The following CDKN2B-AS1 variants were observed in gnomAD, a reference collection of about 807,000 sequenced individuals.
The protein encoded by CDKN2B-AS1 is CDKN2B antisense RNA 1 (non-protein coding).
At chr9:22,015,250 T>A (rs944901213) in intron 1 of CDKN2B-AS1, among the ~76,000 whole-genome samples, 1 of 152,224 alleles carries the variant, frequency 6.6e-6, no homozygotes, top group Non-Finnish European at 1.5e-5. Context: ...TTCCTATTTC[T>A]CCACATCCTC....
intron 4 of CDKN2B-AS1, among the ~76,000 whole-genome samples, chr9:22,087,978 T>C (rs578073543): frequency 1.1e-4 from 16 of 152,342 alleles, no homozygotes; most frequent in African/African-American, 3.6e-4. Flanking sequence ...GGGAGTGTTA[T>C]AGAAGTGGTA....
chr9:22,027,852 A>G (rs1186770005), intron 1 of CDKN2B-AS1, among the ~76,000 whole-genome samples: 1 of 152,204 alleles, frequency 6.6e-6, no homozygotes, highest in Non-Finnish European at 1.5e-5. Flanking sequence ...AAATGAAATA[A>G]ATTGAAAAAG....
At chr9:22,092,707 C>T (rs1015528976) in intron 4 of CDKN2B-AS1, among the ~76,000 whole-genome samples, 4 of 152,014 alleles carry the variant, frequency 2.6e-5, no homozygotes, top group Admixed American at 1.3e-4. Flanking sequence ...TTTGATTCTT[C>T]TCTCTTTTCT....
At chr9:22,096,116 G>T (rs1193638061) in intron 4 of CDKN2B-AS1, among the ~76,000 whole-genome samples, 2 of 152,098 alleles carry the variant, frequency 1.3e-5, no homozygotes, top group Admixed American at 6.6e-5. Context: ...TAATCAGAGG[G>T]AATAGCACAT....
chr9:22,066,945 C>A lies in CDKN2B-AS1; in HGVS notation n.438+10558C>A, dbSNP rs1563959498. ...ATGGATGAAGCTGGAAACCATCATT[C>A]TGAGCAAACTATCGCAAGGACAGAA... On this transcript the variant is annotated intron_variant and non_coding_transcript_variant, in intron 4 of 4. Transcript: ENST00000650946. Among the ~76,000 whole-genome samples, 2 of 152,230 alleles carry A rather than the reference C, an allele frequency of 1.3e-5. 1 individual carries two copies. The highest frequency in any genetic ancestry group is 4.2e-4 in the South Asian group (2 of 4,816).
chr9:22,127,221 G>A (rs963054954), exon 5 of CDKN2B-AS1, among the ~76,000 whole-genome samples: 2 of 152,046 alleles, frequency 1.3e-5, no homozygotes, highest in African/African-American at 2.4e-5. Context: ...AGCTGGGATT[G>A]CAGGCACCTG....
intron 4 of CDKN2B-AS1, among the ~76,000 whole-genome samples, chr9:22,115,541 TTTTC>T (rs2131371797): frequency 6.6e-6 from 1 of 152,308 alleles, no homozygotes; most frequent in African/African-American, 2.4e-5. Context: ...CACTTTAGCC[TTTTC>T]TTTCTTCTCA....
intron 4 of CDKN2B-AS1, among the ~76,000 whole-genome samples, chr9:22,087,298 A>G (rs945008617): frequency 2.0e-5 from 3 of 152,222 alleles, no homozygotes; most frequent in African/African-American, 7.2e-5. Flanking sequence ...GTGCTATGGA[A>G]GCCATCTTCA....
At chr9:22,070,837 C>A (rs966795418) in intron 4 of CDKN2B-AS1, among the ~76,000 whole-genome samples, 1 of 152,098 alleles carries the variant, frequency 6.6e-6, no homozygotes, top group Non-Finnish European at 1.5e-5. Context: ...TCAATTAATG[C>A]AAATGTAAGT....
intron 4 of CDKN2B-AS1, among the ~76,000 whole-genome samples, chr9:22,100,823 T>G (rs1276628528): frequency 6.6e-6 from 1 of 152,242 alleles, no homozygotes; most frequent in Non-Finnish European, 1.5e-5. Flanking sequence ...TTATTGCCTG[T>G]CTTTTTGGCA....
chr9:22,067,726 G>T (rs1587485478), intron 4 of CDKN2B-AS1, among the ~76,000 whole-genome samples: 1 of 151,912 alleles, frequency 6.6e-6, no homozygotes, highest in East Asian at 1.9e-4. Context: ...TCTTTTTTTT[G>T]AAAACAATAA....
chr9:22,095,641 C>T (rs1243914430), intron 4 of CDKN2B-AS1, among the ~76,000 whole-genome samples: 2 of 149,478 alleles, frequency 1.3e-5, no homozygotes, highest in African/African-American at 5.1e-5. Context: ...CCTGGATATC[C>T]TTGTTAACTT....
At chr9:22,052,527 G>T (rs1036171521) in intron 3 of CDKN2B-AS1, among the ~76,000 whole-genome samples, 2 of 152,120 alleles carry the variant, frequency 1.3e-5, no homozygotes, top group African/African-American at 2.4e-5. Flanking sequence ...GGATAAGGGC[G>T]AATCTTTAAG....
intron 4 of CDKN2B-AS1, chr9:22,065,828 C>G (rs1324893223): frequency 6.6e-6 from 1 of 152,126 alleles, no homozygotes; most frequent in Non-Finnish European, 1.5e-5. Context: ...CAAATCTATG[C>G]TATATGTTCT....
chr9:22,102,530 C>G (rs1000794746), intron 4 of CDKN2B-AS1, among the ~76,000 whole-genome samples: 1 of 152,124 alleles, frequency 6.6e-6, no homozygotes, highest in Non-Finnish European at 1.5e-5. Flanking sequence ...AGAATCTGTT[C>G]CTTGCCTCTT....
rs568295562 is a variant in CDKN2B-AS1 at position 22,110,498 on chromosome 9, T to C, written n.439-16605T>C. On this transcript the variant is annotated intron_variant and non_coding_transcript_variant, in intron 4 of 4. Coordinates refer to ENST00000650946, the Ensembl canonical transcript of CDKN2B-AS1. ...TTTCTTTTTGCAAGTGTTACAAATA[T>C]CTGCATGTCATAACATCATCACTAT... is the stretch of plus-strand genomic sequence containing the variant. Among the ~76,000 whole-genome samples, 36 of 152,264 alleles carry C rather than the reference T, an allele frequency of 2.4e-4. No individual in the cohort carries two copies. The South Asian group carries it at 6.6e-3, about 28-fold the overall frequency.
At chr9:22,008,944 C>T (rs899083549) in intron 1 of CDKN2B-AS1, 2 of 1,613,070 alleles carry the variant, frequency 1.2e-6, no homozygotes, top group East Asian at 2.2e-5. Context: ...CCCTTGTTCT[C>T]CTCGCGCATT....
intron 4 of CDKN2B-AS1, among the ~76,000 whole-genome samples, chr9:22,106,054 G>A (rs1372521763): frequency 2.0e-5 from 3 of 152,004 alleles, no homozygotes; most frequent in Non-Finnish European, 4.4e-5. Flanking sequence ...GGGATTACAG[G>A]CACCTGCCAC....
At chr9:22,078,491 A>G (rs1824578656) in intron 4 of CDKN2B-AS1, among the ~76,000 whole-genome samples, 2 of 152,200 alleles carry the variant, frequency 1.3e-5, no homozygotes, top group African/African-American at 4.8e-5. Flanking sequence ...TTCTTCCAAC[A>G]TTTTAAGCAG....
Sources: gnomAD v4.1 joint callset for allele counts (sites outside exome capture counted in the v4.1 genomes callset) on GRCh38, gnomAD v4.1.1 for gene constraint, MANE v1.5 for transcripts, NCBI Gene and HGNC (gene_info 2026-07-23, HGNC 2026-07-21) for gene names.